Variants in IKBKB observed in about 807,000 individuals in gnomAD.
IKBKB encodes the protein inhibitor of nuclear factor kappa-B kinase subunit beta.
Under a neutral mutation model 113.6 loss-of-function variants are expected in IKBKB, and 42 were observed. The observed-to-expected ratio is 0.37, with a 90% CI of 0.29 to 0.48. The LOEUF (loss-of-function observed/expected upper bound fraction) is 0.48. Among genes scored for constraint, IKBKB ranks in the 20% least tolerant of loss-of-function variants. IKBKB has a pLI of 0.99. For synonymous variants in IKBKB, 296 were observed against 361.3 expected, an observed-to-expected ratio of 0.82 and a Z score of 2.05; for missense variants, 673 against 939.7, an observed-to-expected ratio of 0.72 and a Z score of 3.71.
At position 42,314,389 on chromosome 8, in the gene IKBKB, A is replaced by G; in HGVS notation, c.760A>G (p.Lys254Glu). The change falls in exon 9 of 22, where the codon AAG becomes GAG. Residue 254 changes from lysine to glutamate, a missense_variant. Coordinates refer to ENST00000520810, the MANE Select transcript of IKBKB (RefSeq NM_001556.3). ...TAGCGAAGACTTGAATGGAACGGTGAAGTTTTCAAGCTCTTTACCCTACCC... is the reference window on the plus strand; with the variant it reads ...TAGCGAAGACTTGAATGGAACGGTGGAGTTTTCAAGCTCTTTACCCTACCC... ...VVSEDLNGTV[K>E]FSSSLPYPNN... is the part of the protein sequence containing the mutation. 1 of 1,613,584 alleles carries G rather than the reference A, an allele frequency of 6.2e-7. No homozygotes were observed. Among genetic ancestry groups the G allele is most frequent in the Non-Finnish European group, 8.5e-7 (1 of 1,179,470 alleles).
chr8:42,328,548 C>G (rs1326170989), intron 20 of IKBKB, among the ~76,000 whole-genome samples: 1 of 152,154 alleles, frequency 6.6e-6, no homozygotes, highest in East Asian at 1.9e-4. Flanking sequence ...TAGGATGTCT[C>G]TCGTCTCCCC....
intron 2 of IKBKB, among the ~76,000 whole-genome samples, chr8:42,275,981 C>T (rs1265385193): frequency 6.6e-6 from 1 of 152,170 alleles, no homozygotes; most frequent in Non-Finnish European, 1.5e-5. Flanking sequence ...GCTGGGATTA[C>T]AGGTACATGC....
intron 3 of IKBKB, among the ~76,000 whole-genome samples, chr8:42,289,060 C>T (rs908676861): frequency 4.6e-5 from 7 of 152,128 alleles, no homozygotes; most frequent in Admixed American, 3.3e-4. Context: ...ACTAAAAATA[C>T]AAAAAATTAG....
chr8:42,279,661 C>A (rs572629557), intron 2 of IKBKB, among the ~76,000 whole-genome samples: 2 of 152,096 alleles, frequency 1.3e-5, no homozygotes, highest in African/African-American at 4.8e-5. Context: ...GACCTGAGCT[C>A]GCAAGCAAAG....
intron 12 of IKBKB, 136 bp downstream of exon 12, chr8:42,317,907 C>T: frequency 1.5e-6 from 1 of 675,172 alleles, no homozygotes; most frequent in Non-Finnish European, 2.7e-6. Flanking sequence ...GGCAGCCTTC[C>T]TTATTTAGGA....
intron 7 of IKBKB, 77 bp downstream of exon 7, chr8:42,306,509 C>T: frequency 1.1e-6 from 1 of 926,838 alleles, no homozygotes; most frequent in Non-Finnish European, 1.8e-6. Flanking sequence ...TCCTGCCTTG[C>T]TCCCAGCACC....
At chr8:42,329,846 C>G in intron 21 of IKBKB, 1 of 985,402 alleles carries the variant, frequency 1.0e-6, no homozygotes, top group Non-Finnish European at 1.2e-6. Context: ...TGAGAGAATC[C>G]TGCATCATTT....
chr8:42,316,058 T>A lies in IKBKB; in HGVS notation c.801-152T>A, dbSNP rs1457181778. 15 of 785,258 alleles carry A rather than the reference T, an allele frequency of 1.9e-5. No individual in the cohort carries two copies. The Admixed American group carries it at 4.1e-4, about 21-fold the overall frequency. 48.6% of individuals were successfully genotyped at this position (785,258 alleles called of 1,614,324 possible). ...GAGAGAGGTGTGAACACCTGAATAA[T>A]TGATTGGAAATGTTTATACTGTTTC... On this transcript the variant is annotated intron_variant, in intron 9 of 21. Transcript: ENST00000520810. The surrounding 1 kb of genome is among the most constrained non-coding windows in gnomAD (Gnocchi z 4.5).
intron 2 of IKBKB, among the ~76,000 whole-genome samples, chr8:42,275,603 C>T (rs998146499): frequency 6.6e-6 from 1 of 152,200 alleles, no homozygotes; most frequent in African/African-American, 2.4e-5. Flanking sequence ...CATGTTGCCA[C>T]AGATGGCAGG....
intron 16 of IKBKB, 137 bp from the exon 17 acceptor site, chr8:42,321,759 G>C: frequency 1.6e-6 from 1 of 628,918 alleles, no homozygotes; most frequent in South Asian, 2.1e-5. Flanking sequence ...GGGATGCCAA[G>C]GCAAGAAGAT....
At chr8:42,309,116 G>T in intron 8 of IKBKB, 91 bp downstream of exon 8, 3 of 1,382,720 alleles carry the variant, frequency 2.2e-6, no homozygotes, top group Non-Finnish European at 2.0e-6. Flanking sequence ...CCATCACCGG[G>T]CCTGGGAGAT....
chr8:42,323,205 T>A (rs1377890453), intron 19 of IKBKB, among the ~76,000 whole-genome samples: 2 of 152,358 alleles, frequency 1.3e-5, no homozygotes, highest in East Asian at 3.9e-4. Flanking sequence ...AGACGCTTTC[T>A]CCAAGTACGG....
chr8:42,318,010 C>T (rs879836478), intron 12 of IKBKB, among the ~76,000 whole-genome samples: 1 of 152,050 alleles, frequency 6.6e-6, no homozygotes, highest in Non-Finnish European at 1.5e-5. Context: ...ACCTGTAATC[C>T]CAGCACTTTG....
intron 4 of IKBKB, 55 bp from the exon 5 acceptor site, chr8:42,293,388 A>G: frequency 1.9e-6 from 3 of 1,610,776 alleles, no homozygotes; most frequent in Non-Finnish European, 2.5e-6. Context: ...ACATGTGTGG[A>G]TTTCCGGTGG....
At chr8:42,328,312 T>C (rs1343361394) in intron 20 of IKBKB, among the ~76,000 whole-genome samples, 18 of 149,848 alleles carry the variant, frequency 1.2e-4, no homozygotes, top group African/African-American at 4.9e-5. Flanking sequence ...TCCTGGAGTA[T>C]AGTAGCTAGA....
At chr8:42,327,633 T>G (rs1420106672) in intron 20 of IKBKB, among the ~76,000 whole-genome samples, 1 of 111,680 alleles carries the variant, frequency 9.0e-6, no homozygotes, top group Non-Finnish European at 2.0e-5. Flanking sequence ...GCACCCAGCC[T>G]TTTTTTTTTT....
chr8:42,323,497 T>C (rs904484987), intron 19 of IKBKB, among the ~76,000 whole-genome samples: 1 of 152,116 alleles, frequency 6.6e-6, no homozygotes, highest in Non-Finnish European at 1.5e-5. Context: ...GCAAGCCCCA[T>C]TGTGAAAGGC....
At chr8:42,311,948 G>A (rs144455592) in intron 8 of IKBKB, among the ~76,000 whole-genome samples, 5,275 of 152,196 alleles carry the variant, frequency 0.035, 102 homozygotes, top group Non-Finnish European at 0.042. Context: ...GTGTAGTGGC[G>A]CGATCGCGGC....
chr8:42,329,064 C>T lies in IKBKB; in HGVS notation c.2115-60C>T, dbSNP rs1366154372. 11 of 1,229,544 alleles carry T rather than the reference C, an allele frequency of 8.9e-6. No homozygotes were observed. In the East Asian group the frequency reaches 2.7e-4, roughly 30 times the overall value. 76.2% of individuals were successfully genotyped at this position (1,229,544 alleles called of 1,614,324 possible). ...AACTCTCTAGCATATTTTAAAATAG[C>T]AGTGTTAGCTCTGATAACTAATAAT... On this transcript the variant is annotated intron_variant, in intron 20 of 21. Transcript: ENST00000520810.
Sources: gnomAD v4.1 joint callset for allele counts (sites outside exome capture counted in the v4.1 genomes callset) on GRCh38, gnomAD v4.1.1 for gene constraint, Gnocchi (gnomAD v3.1) non-coding constraint, MANE v1.5 for transcripts, NCBI Gene and HGNC (gene_info 2026-07-23, HGNC 2026-07-21) for gene names.